TENM1: variants seen among roughly 807,000 people sequenced by gnomAD.
TENM1 encodes teneurin-1.
TENM1 carries 35 observed loss-of-function variants against 174.8 expected under a neutral mutation model. The observed-to-expected ratio is 0.20, with a 90% CI of 0.15 to 0.27. The LOEUF is 0.27. Ranked by LOEUF, TENM1 falls within the 10% of genes least tolerant of loss-of-function variation. The pLI is 1.00. For missense variants in TENM1, 1,633 were observed against 2,130.1 expected (o/e 0.77, Z 4.59); for synonymous variants, 781 against 798.7 (o/e 0.98, Z 0.37).
At chrX:124,822,563 T>TTAAA (rs1408465292) in intron 3 of TENM1, among the ~76,000 whole-genome samples, 5 of 112,050 alleles carry the variant, frequency 4.5e-5, no homozygotes, top group Non-Finnish European at 9.4e-5. Context: ...TTGAACTTAT[T>TTAAA]TGCCCCTTTC....
At chrX:124,509,748 T>TTC (rs1238505018) in intron 18 of TENM1, among the ~76,000 whole-genome samples, 1 of 102,352 alleles carries the variant, frequency 9.8e-6, no homozygotes. Context: ...TAGACAGAGT[T>TTC]TCACTCTTGT....
chrX:124,575,010 A>G (rs2049134663), intron 11 of TENM1, among the ~76,000 whole-genome samples: 1 of 112,378 alleles, frequency 8.9e-6, no homozygotes, highest in African/African-American at 3.2e-5. Context: ...TGTTAACTTT[A>G]TATCAGTAGA....
At chrX:124,613,911 C>A (rs959095435) in intron 11 of TENM1, among the ~76,000 whole-genome samples, 1 of 111,516 alleles carries the variant, frequency 9.0e-6, no homozygotes, top group Non-Finnish European at 1.9e-5. Context: ...CACTCCTGAT[C>A]CCCAATAAGA....
rs183726133 is a variant in TENM1, at chrX:124,536,865, C to T, written c.2652-6882G>A. The stretch of plus-strand genomic sequence containing the variant: ...GTTCTACACATGACTCAAATGTTTT[C>T]TCTTTGCAATCAGCCTTATAGGGTT... On this transcript the variant is annotated intron_variant, in intron 15 of 31. Coordinates refer to ENST00000422452, the Ensembl canonical transcript of TENM1. Among the ~76,000 whole-genome samples the T allele has an allele frequency of 6.9e-3, 766 of 111,757 alleles. 6 individuals are homozygous for T. The highest frequency in any genetic ancestry group is 0.024 in the African/African-American group (738 of 30,788).
intron 1 of TENM1, among the ~76,000 whole-genome samples, chrX:124,907,093 T>C (rs775845030): frequency 7.0e-4 from 78 of 111,965 alleles, no homozygotes; most frequent in Non-Finnish European, 1.4e-3. Context: ...TCAATAAAGA[T>C]GTTTCTAGAA....
intron 3 of TENM1, among the ~76,000 whole-genome samples, chrX:124,869,060 A>T (rs2057059961): frequency 1.0e-5 from 1 of 97,258 alleles, no homozygotes; most frequent in Non-Finnish European, 2.1e-5. Flanking sequence ...TACCGTCTCT[A>T]CCAAAAAAAA....
chrX:124,641,979 T>C, exon 11 of TENM1: 1 of 1,210,928 alleles, frequency 8.3e-7, no homozygotes, highest in Non-Finnish European at 1.1e-6. Flanking sequence ...ACACATTGGG[T>C]CTAGGCAGTC....
intron 5 of TENM1, among the ~76,000 whole-genome samples, chrX:124,691,825 C>CTTTCA (rs370045328): frequency 0.012 from 1,285 of 109,552 alleles, 18 homozygotes; most frequent in African/African-American, 0.04. Flanking sequence ...GATTTGTTTT[C>CTTTCA]TTTTATTGAT....
chrX:124,601,690 C>T (rs933149597), intron 11 of TENM1, among the ~76,000 whole-genome samples: 7 of 110,465 alleles, frequency 6.3e-5, no homozygotes, highest in African/African-American at 2.3e-4. Flanking sequence ...TGGTATCAGT[C>T]TACCCAAACC....
At chrX:124,566,600 G>C (rs2048947584) in intron 11 of TENM1, among the ~76,000 whole-genome samples, 1 of 112,347 alleles carries the variant, frequency 8.9e-6, no homozygotes, top group Non-Finnish European at 1.9e-5. Flanking sequence ...CTGGAAGCCA[G>C]GTTGTCTCTT....
At chrX:125,022,546 G>C in the TENM1 span, among the ~76,000 whole-genome samples, 1 of 111,703 alleles carries the variant, frequency 9.0e-6, no homozygotes, top group African/African-American at 3.2e-5. Context: ...AGTAGAGTTT[G>C]ATCCTTGGTT....
intron 3 of TENM1, among the ~76,000 whole-genome samples, chrX:124,853,787 T>C (rs1254235861): frequency 9.0e-6 from 1 of 110,705 alleles, no homozygotes; most frequent in Non-Finnish European, 1.9e-5. Flanking sequence ...GAATTTGCAC[T>C]GGCACCAGTC....
chrX:124,436,878 C>T (rs1177761945), intron 23 of TENM1, among the ~76,000 whole-genome samples: 2 of 107,841 alleles, frequency 1.9e-5, no homozygotes, highest in African/African-American at 6.8e-5. Flanking sequence ...ATCACATTCT[C>T]TATATTAAAT....
the TENM1 span, among the ~76,000 whole-genome samples, chrX:124,987,461 G>A: frequency 8.1e-5 from 9 of 111,739 alleles, no homozygotes; most frequent in Non-Finnish European, 1.5e-4. Context: ...TGAATATTAT[G>A]TCATCACTTA....
At chrX:124,462,399 T>C (rs2283767) in intron 22 of TENM1, among the ~76,000 whole-genome samples, 24,940 of 96,187 alleles carry the variant, frequency 0.26, 4,001 homozygotes, top group African/African-American at 0.54. Flanking sequence ...GTTACTATTT[T>C]TGTTAAGCTA....
chrX:124,858,999 C>T (rs907889602), intron 3 of TENM1, among the ~76,000 whole-genome samples: 1 of 111,129 alleles, frequency 9.0e-6, no homozygotes, highest in Admixed American at 9.6e-5. Flanking sequence ...AGAAGAAATT[C>T]CTTCCTCTTC....
chrX:124,651,856 T>C (rs2051317381), intron 8 of TENM1, 58 bp downstream of exon 11: 1 of 1,176,874 alleles, frequency 8.5e-7, no homozygotes, highest in Non-Finnish European at 1.1e-6. Context: ...CTGTCATCAC[T>C]GATTGTGTCT....
At chrX:124,632,581 T>C in intron 11 of TENM1, among the ~76,000 whole-genome samples, 1 of 111,014 alleles carries the variant, frequency 9.0e-6, no homozygotes, top group Middle Eastern at 4.7e-3. Context: ...TTCTCTCTAA[T>C]GATTCAGGGA....
intron 3 of TENM1, among the ~76,000 whole-genome samples, chrX:124,858,694 T>C (rs2056856774): frequency 8.9e-6 from 1 of 112,064 alleles, no homozygotes; most frequent in South Asian, 3.7e-4. Flanking sequence ...AAGTGCCTTG[T>C]TCACAGAAGG....
Sources: gnomAD v4.1 joint callset for allele counts (sites outside exome capture counted in the v4.1 genomes callset) on GRCh38, gnomAD v4.1.1 for gene constraint, MANE v1.5 for transcripts, NCBI Gene and HGNC (gene_info 2026-07-23, HGNC 2026-07-21) for gene names.